The following DAB1 variants were observed in gnomAD, a reference collection of about 807,000 sequenced individuals.
DAB1 encodes the protein disabled homolog 1.
DAB1 carries 15 observed loss-of-function variants against 64.6 expected under a neutral mutation model. The observed-to-expected ratio is 0.23, with a 90% confidence interval of 0.16 to 0.36. The LOEUF (loss-of-function observed/expected upper bound fraction) is 0.36. Ranked by LOEUF, DAB1 falls within the 10% of genes least tolerant of loss-of-function variation. DAB1 has a pLI of 1.00. For missense variants in DAB1, 596 were observed against 706.7 expected (o/e 0.84, Z 1.78); for synonymous variants, 235 against 251.9 (o/e 0.93, Z 0.64).
intron 5 of DAB1, among the ~76,000 whole-genome samples, chr1:57,902,985 G>T (rs1644498518): frequency 6.6e-6 from 1 of 152,152 alleles, no homozygotes; most frequent in Non-Finnish European, 1.5e-5. Flanking sequence ...TCACAATCAT[G>T]GCGGAAGGCA....
chr1:58,518,946 T>C (rs1646216697), intron 2 of DAB1, among the ~76,000 whole-genome samples: 1 of 152,158 alleles, frequency 6.6e-6, no homozygotes, highest in South Asian at 2.1e-4. Flanking sequence ...ATAAATAACT[T>C]GATCATAATC....
chr1:57,689,379 T>G (rs932603964), intron 6 of DAB1, among the ~76,000 whole-genome samples: 7 of 152,192 alleles, frequency 4.6e-5, no homozygotes, highest in African/African-American at 1.4e-4. Flanking sequence ...GATAATGGGG[T>G]TTAAAAGATT....
downstream of DAB1, among the ~76,000 whole-genome samples, chr1:57,823,213 G>A (rs1199140677): frequency 6.6e-6 from 1 of 152,020 alleles, no homozygotes; most frequent in Non-Finnish European, 1.5e-5. Context: ...TCAAACTCCT[G>A]ACCTCGTGAT....
rs1251136015 is a variant in DAB1 at position 57,182,914 on chromosome 1, A to G, written c.68-37485T>C. 2.6e-5 allele frequency among the ~76,000 whole-genome samples: 4 copies of G among 152,134 alleles called. No homozygotes were observed. In the East Asian group the frequency reaches 5.8e-4, roughly 22 times the overall value. On this transcript the variant is annotated intron_variant, in intron 2 of 14. Transcript: ENST00000371236. ...TATTTAATTTTAAATTAACTAAAAT[A>G]ATTAACTAAAAATTTTAAATTGATT...
At chr1:57,099,662 C>T (rs547349109) in intron 4 of DAB1, among the ~76,000 whole-genome samples, 9 of 152,084 alleles carry the variant, frequency 5.9e-5, no homozygotes, top group African/African-American at 2.2e-4. Context: ...GCAATATAAA[C>T]CCTGATGCAA....
chr1:58,162,384 C>T (rs563268530), intron 4 of DAB1, among the ~76,000 whole-genome samples: 1 of 152,110 alleles, frequency 6.6e-6, no homozygotes, highest in East Asian at 1.9e-4. Context: ...TCATTTCCTC[C>T]CCACCTTCCT....
In DAB1 at chr1:57,069,396, T is replaced by G; in HGVS notation, c.627A>C (p.Pro209=). Residue 209 remains proline, a synonymous_variant, in exon 8 of 15, where the codon CCA becomes CCC. Coordinates refer to ENST00000371236, the MANE Select transcript of DAB1 (RefSeq NM_001365792.1). The part of the protein sequence containing the change: ...QYIVFEAGHE[P]IRDPETEENI... Reference sequence around the variant, plus strand: ...TTTCTTCCGTTTCGGGATCACGGATTGGCTCGTGTCCAGCCTCAAACACAA... The same window carrying G: ...TTTCTTCCGTTTCGGGATCACGGATGGGCTCGTGTCCAGCCTCAAACACAA... 1 of 1,613,592 alleles carries G rather than the reference T, an allele frequency of 6.2e-7. No homozygotes were observed. Among genetic ancestry groups the G allele is most frequent in the Non-Finnish European group, 8.5e-7 (1 of 1,179,604 alleles).
At chr1:58,159,064 C>T (rs1286746938) in intron 4 of DAB1, among the ~76,000 whole-genome samples, 3 of 152,180 alleles carry the variant, frequency 2.0e-5, no homozygotes, top group Non-Finnish European at 4.4e-5. Flanking sequence ...GCATGTCAAG[C>T]TCTTGCCCTT....
chr1:58,487,020 C>A (rs776931048), intron 3 of DAB1, among the ~76,000 whole-genome samples: 39 of 152,074 alleles, frequency 2.6e-4, no homozygotes, highest in Non-Finnish European at 5.3e-4. Flanking sequence ...GGGTTTTAAC[C>A]AAGGAAAGGA....
intron 3 of DAB1, among the ~76,000 whole-genome samples, chr1:58,352,607 G>A (rs879722494): frequency 4.6e-5 from 7 of 152,062 alleles, no homozygotes; most frequent in East Asian, 1.9e-4. Flanking sequence ...ATAAACTATC[G>A]GAAAAGTGGG....
intron 1 of DAB1, among the ~76,000 whole-genome samples, chr1:57,365,138 A>G (rs1679875397): frequency 6.9e-6 from 1 of 144,336 alleles, no homozygotes; most frequent in Admixed American, 7.1e-5. Context: ...ATATAAGAAT[A>G]TATATTTTTT....
intron 1 of DAB1, among the ~76,000 whole-genome samples, chr1:57,326,220 G>T (rs919375474): frequency 6.6e-6 from 1 of 152,112 alleles, no homozygotes; most frequent in Non-Finnish European, 1.5e-5. Flanking sequence ...CACCTTGTTC[G>T]CATCCCTCAA....
At chr1:58,068,525 G>T (rs538468180) in intron 5 of DAB1, among the ~76,000 whole-genome samples, 62 of 152,082 alleles carry the variant, frequency 4.1e-4, no homozygotes, top group East Asian at 1.9e-4. Context: ...CAGCACTTTG[G>T]GGGGCAGAGG....
chr1:57,489,196 A>G (rs971101958), intron 7 of DAB1, among the ~76,000 whole-genome samples: 2 of 152,186 alleles, frequency 1.3e-5, no homozygotes, highest in Admixed American at 1.3e-4. Flanking sequence ...GAAGGTATCA[A>G]GCTTTCAGAT....
chr1:57,291,527 G>C (rs1276975395), intron 1 of DAB1, among the ~76,000 whole-genome samples: 1 of 152,074 alleles, frequency 6.6e-6, no homozygotes, highest in East Asian at 1.9e-4. Flanking sequence ...CAATAAGAGA[G>C]CACCCATCCA....
chr1:57,426,479 A>T (rs74576125), upstream of DAB1, among the ~76,000 whole-genome samples: 1 of 152,208 alleles, frequency 6.6e-6, no homozygotes, highest in South Asian at 2.1e-4. Flanking sequence ...AAGTCACCTA[A>T]TAATTAGGGG....
At chr1:58,488,615 C>A (rs569984755) in intron 3 of DAB1, among the ~76,000 whole-genome samples, 46 of 151,964 alleles carry the variant, frequency 3.0e-4, no homozygotes, top group Middle Eastern at 3.4e-3. Flanking sequence ...CCATGTCTCG[C>A]TAATTTTTGT....
chr1:58,133,005 A>G (rs1359520410), intron 5 of DAB1, among the ~76,000 whole-genome samples: 1 of 152,196 alleles, frequency 6.6e-6, no homozygotes, highest in African/African-American at 2.4e-5. Flanking sequence ...TCTCTTGGGC[A>G]TATCTGTATT....
chr1:57,429,949 A>AG (rs149524522), intron 7 of DAB1, among the ~76,000 whole-genome samples: 5,511 of 152,220 alleles, frequency 0.036, 229 homozygotes, highest in Admixed American at 0.12. Flanking sequence ...ATTATCTTAT[A>AG]AGACTGCTTT....
Sources: gnomAD v4.1 joint callset for allele counts (sites outside exome capture counted in the v4.1 genomes callset) on GRCh38, gnomAD v4.1.1 for gene constraint, MANE v1.5 for transcripts, NCBI Gene and HGNC (gene_info 2026-07-23, HGNC 2026-07-21) for gene names.